TRIOBP: variants seen among roughly 807,000 people sequenced by gnomAD.
The protein encoded by TRIOBP is TRIO and F-actin-binding protein.
Under a neutral mutation model 238.8 loss-of-function variants are expected in TRIOBP, and 169 were observed. The observed-to-expected ratio is 0.71, with a 90% confidence interval of 0.62 to 0.80. TRIOBP has a LOEUF of 0.80. Among genes scored for constraint, TRIOBP ranks in the 30% least tolerant of loss-of-function variants. The pLI is 0.00. For synonymous variants in TRIOBP, 1,150 were observed against 1,274.4 expected (o/e 0.90, Z 2.08); for missense variants, 2,838 against 3,122.6 (o/e 0.91, Z 2.17).
At position 37,723,527 on chromosome 22, in the gene TRIOBP, C is replaced by G. The variant is rs1473196069; in HGVS notation, c.971C>G (p.Ser324Cys). Residue 324 changes from serine (S) to cysteine (C), a missense_variant, in exon 7 of 24, where the codon TCC becomes TGC. Transcript: ENST00000644935. ...STQEDTPRAS[S>C]TQEDTPRASS... ...CAAGAGGACACCCCTAGGGCCTCAT[C>G]CACCCAAGAGGACACCCCCAGGGCC... is the stretch of plus-strand genomic sequence containing the variant. 1.9e-6 allele frequency: 3 copies of G among 1,613,790 alleles called. No individual in the cohort carries two copies. Among genetic ancestry groups the G allele is most frequent in the Non-Finnish European group, 2.5e-6 (3 of 1,179,952 alleles).
intron 3 of TRIOBP, among the ~76,000 whole-genome samples, chr22:37,703,747 C>A (rs749958742): frequency 6.6e-6 from 1 of 151,144 alleles, no homozygotes; most frequent in Admixed American, 6.6e-5. Context: ...CCTCGTTATT[C>A]GCCCACCTCG....
At chr22:37,770,907 C>G (rs898547343) in intron 21 of TRIOBP, among the ~76,000 whole-genome samples, 40 of 152,020 alleles carry the variant, frequency 2.6e-4, no homozygotes, top group Admixed American at 2.2e-3. Flanking sequence ...TGGTCCCAAT[C>G]TCCTGACCTC....
chr22:37,706,649 G>A (rs1203292532), intron 3 of TRIOBP, among the ~76,000 whole-genome samples: 1 of 152,028 alleles, frequency 6.6e-6, no homozygotes, highest in African/African-American at 2.4e-5. Flanking sequence ...TGAACTGGGT[G>A]TAGTGGTGCA....
chr22:37,755,943 G>A (rs545003283), intron 15 of TRIOBP, among the ~76,000 whole-genome samples: 6 of 152,312 alleles, frequency 3.9e-5, no homozygotes, highest in African/African-American at 9.6e-5. Flanking sequence ...TGTCTGTGCC[G>A]TGGGGGCCGT....
intron 12 of TRIOBP, among the ~76,000 whole-genome samples, chr22:37,753,074 G>C: frequency 6.6e-6 from 1 of 152,106 alleles, no homozygotes. Flanking sequence ...TTACAGAGAG[G>C]CAATTGAGGT....
chr22:37,752,863 C>T (rs1208988064), intron 12 of TRIOBP, among the ~76,000 whole-genome samples: 1 of 152,184 alleles, frequency 6.6e-6, no homozygotes, highest in Admixed American at 6.5e-5. Context: ...TCAGCCAGCC[C>T]AACCCCTTGG....
rs772024390 is a variant in TRIOBP, at chr22:37,755,541, G to A, written c.5578-9G>A. 51 of 1,612,326 alleles carry A rather than the reference G, an allele frequency of 3.2e-5. No homozygotes were observed. The highest frequency in any genetic ancestry group is 8.5e-6 in the Non-Finnish European group (10 of 1,178,702). On this transcript the variant is annotated splice_polypyrimidine_tract_variant and intron_variant, in intron 14 of 23. Coordinates refer to ENST00000644935, the MANE Select transcript of TRIOBP (RefSeq NM_001039141.3). ...CATGTGGCAACCTACCCATGCGGTG[G>A]CCTTGCAGACCAAGGATGCTGTCTA... is the stretch of plus-strand genomic sequence containing the variant.
At position 37,765,828 on chromosome 22, in the gene TRIOBP, T is replaced by TGG. The variant is rs3833924; in HGVS notation, c.6472+18_6472+19dup. ...CAGCCACGGCCTCAGGTATGGACCC[T>TGG]GGGGGGGGCACAGTGGGCTGGGCTC... On this transcript the variant is annotated intron_variant, in intron 18 of 23. Coordinates refer to ENST00000644935, the MANE Select transcript of TRIOBP (RefSeq NM_001039141.3). 7.7e-4 allele frequency: 1,182 copies of TGG among 1,533,302 alleles called. No individual in the cohort carries two copies. Among genetic ancestry groups the TGG allele is most frequent in the South Asian group, 2.0e-3 (168 of 85,282 alleles). 95.0% of individuals were successfully genotyped at this position (1,533,302 alleles called of 1,614,324 possible). A position where few individuals can be genotyped will look rare whatever the true frequency, so the allele number is the denominator to read the frequency against.
At position 37,723,198 on chromosome 22, in the gene TRIOBP, G is replaced by A. The variant is rs1266302045; in HGVS notation, c.642G>A (p.Gly214=). 1.2e-6 allele frequency: 2 copies of A among 1,613,764 alleles called. No homozygotes were observed. The highest frequency in any genetic ancestry group is 1.7e-6 in the Non-Finnish European group (2 of 1,179,832). The change falls in exon 7 of 24, where the codon GGG becomes GGA. Residue 214 remains glycine, a synonymous_variant. Transcript: ENST00000644935. The part of the protein sequence containing the change: ...AGQKKEDTGG[G]GRSAGQHWAR... Reference sequence around the variant, plus strand: ...TTCTCTCTCCAGACACCGGCGGTGGGGGCCGGAGCGCAGGACAGCACTGGG... The same window carrying A: ...TTCTCTCTCCAGACACCGGCGGTGGAGGCCGGAGCGCAGGACAGCACTGGG...
intron 12 of TRIOBP, 73 bp from the exon 13 acceptor site, chr22:37,754,804 A>C (rs1183309662): frequency 1.3e-5 from 19 of 1,470,288 alleles, no homozygotes; most frequent in Non-Finnish European, 1.8e-5. Flanking sequence ...TGTGCAGCAT[A>C]GTGAGTTTGG....
chr22:37,715,968 A>G (rs770947588), intron 6 of TRIOBP, 34 bp downstream of exon 6: 8 of 1,610,480 alleles, frequency 5.0e-6, no homozygotes, highest in Non-Finnish European at 5.9e-6. Flanking sequence ...TCCCATGGTG[A>G]TGGCCTGGGG....
chr22:37,722,880 T>C (rs1300990488), intron 6 of TRIOBP, among the ~76,000 whole-genome samples: 1 of 152,216 alleles, frequency 6.6e-6, no homozygotes, highest in African/African-American at 2.4e-5. Flanking sequence ...TCTCCACAAA[T>C]TTGCTTCTTC....
intron 17 of TRIOBP, chr22:37,759,599 C>T (rs865922059): frequency 2.4e-5 from 37 of 1,565,848 alleles, no homozygotes; most frequent in Middle Eastern, 2.2e-4. Context: ...ACCCTTGCCC[C>T]GGGGAAGTGG....
chr22:37,721,111 C>A (rs141113667), intron 6 of TRIOBP, among the ~76,000 whole-genome samples: 18 of 151,574 alleles, frequency 1.2e-4, no homozygotes, highest in Non-Finnish European at 2.4e-4. Context: ...CCTTGTGATC[C>A]GCCCGCCTCG....
At chr22:37,719,357 T>C (rs1345479774) in intron 6 of TRIOBP, among the ~76,000 whole-genome samples, 1 of 151,968 alleles carries the variant, frequency 6.6e-6, no homozygotes, top group African/African-American at 2.4e-5. Context: ...TCTGGGTAGA[T>C]GGTGTGCCCT....
chr22:37,721,618 C>T (rs1292405401), intron 6 of TRIOBP, among the ~76,000 whole-genome samples: 3 of 152,184 alleles, frequency 2.0e-5, no homozygotes, highest in Admixed American at 6.5e-5. Context: ...GCTGGGACTA[C>T]AGGCACGTAC....
chr22:37,753,369 G>A (rs929089914), intron 12 of TRIOBP, among the ~76,000 whole-genome samples: 6 of 152,250 alleles, frequency 3.9e-5, no homozygotes, highest in African/African-American at 1.4e-4. Flanking sequence ...CCGCCTCCCG[G>A]GTTCAAGCGA....
chr22:37,770,630 G>A (rs1031655043), intron 21 of TRIOBP, among the ~76,000 whole-genome samples: 1 of 151,700 alleles, frequency 6.6e-6, no homozygotes. Context: ...GCCCACTTCG[G>A]CCTCTCAAAG....
In TRIOBP at chr22:37,714,161, G is replaced by C. The variant is rs567810679; in HGVS notation, c.456+750G>C. ...AACTTAGTGGAGGCCACACATCTGG[G>C]AAGTAGTGGGGCTAGGATTTGAACC... On this transcript the variant is annotated intron_variant, in intron 5 of 23. Transcript: ENST00000644935. Among the ~76,000 whole-genome samples, 7 of 152,272 alleles carry C rather than the reference G, an allele frequency of 4.6e-5. No homozygotes were observed. In the South Asian group the frequency reaches 1.5e-3, roughly 32 times the overall value.
Sources: gnomAD v4.1 joint callset for allele counts (sites outside exome capture counted in the v4.1 genomes callset) on GRCh38, gnomAD v4.1.1 for gene constraint, MANE v1.5 for transcripts, NCBI Gene and HGNC (gene_info 2026-07-23, HGNC 2026-07-21) for gene names.